Variants in ADAM32 observed in about 807,000 individuals in gnomAD.
ADAM32 encodes the protein disintegrin and metalloproteinase domain-containing protein 32.
Under a neutral mutation model 114.9 loss-of-function variants are expected in ADAM32, and 89 were observed. The observed-to-expected ratio is 0.77, with a 90% CI of 0.65 to 0.92. ADAM32 has a LOEUF of 0.92. Among genes scored for constraint, ADAM32 ranks in the 40% least tolerant of loss-of-function variants. ADAM32 has a pLI of 0.00. For synonymous variants in ADAM32, 285 were observed against 307.5 expected (o/e 0.93, Z 0.77); for missense variants, 870 against 932.8 (o/e 0.93, Z 0.88).
intron 10 of ADAM32, among the ~76,000 whole-genome samples, chr8:39,183,398 A>G (rs1806035057): frequency 6.6e-6 from 1 of 152,188 alleles, no homozygotes; most frequent in South Asian, 2.1e-4. Context: ...CACCCCTACC[A>G]TACCAGAAAC....
chr8:39,142,099 C>G, intron 3 of ADAM32, among the ~76,000 whole-genome samples: 1 of 151,828 alleles, frequency 6.6e-6, no homozygotes. Flanking sequence ...TTTTAAGTGG[C>G]ACGTGAGATG....
intron 10 of ADAM32, among the ~76,000 whole-genome samples, chr8:39,182,965 G>A (rs748257961): frequency 2.0e-4 from 31 of 152,136 alleles, no homozygotes; most frequent in Admixed American, 6.5e-4. Flanking sequence ...GTTGCTTCCC[G>A]TACTCTGAGG....
intron 17 of ADAM32, among the ~76,000 whole-genome samples, chr8:39,249,377 AT>A (rs1451555455): frequency 2.6e-5 from 4 of 152,136 alleles, no homozygotes; most frequent in Non-Finnish European, 5.9e-5. Flanking sequence ...CTTTTTATGC[AT>A]TGTTGAATCT....
At chr8:39,186,861 C>T in intron 10 of ADAM32, 48 bp from the exon 11 acceptor site, 1 of 1,440,654 alleles carries the variant, frequency 6.9e-7, no homozygotes, top group Admixed American at 2.3e-5. Context: ...TTTTTACCAC[C>T]CTTTAGAGAA....
chr8:39,284,444 T>C (rs1813654703), intron 24 of ADAM32, among the ~76,000 whole-genome samples: 2 of 151,706 alleles, frequency 1.3e-5, no homozygotes, highest in South Asian at 4.1e-4. Flanking sequence ...GGCTGCAAGG[T>C]ATGAAAAAAG....
chr8:39,206,550 A>G (rs1189540282), intron 11 of ADAM32, among the ~76,000 whole-genome samples: 3 of 152,168 alleles, frequency 2.0e-5, no homozygotes, highest in Admixed American at 1.3e-4. Context: ...TGACCTTGAC[A>G]TTGGAGGGTT....
At chr8:39,141,942 T>G (rs1290099178) in intron 3 of ADAM32, among the ~76,000 whole-genome samples, 1 of 152,242 alleles carries the variant, frequency 6.6e-6, no homozygotes, top group Non-Finnish European at 1.5e-5. Context: ...TACCATTATG[T>G]AGTGGCCTTC....
rs1435334878 is a variant in ADAM32 at position 39,254,512 on chromosome 8, T to C, written c.2001T>C (p.Asp667=). 6.4e-7 allele frequency: 1 copy of C among 1,567,318 alleles called. No homozygotes were observed. The change falls in exon 18 of 25, where the codon GAT becomes GAC. Residue 667 remains aspartate (D), a synonymous_variant. Transcript: ENST00000379907. ...SKGFSIFPEE[D]MGSIMERASG... is the part of the protein sequence containing the mutation. ...GATTTTCCATATTTCCTGAGGAAGA[T>C]ATGGGCAAGTATTTGTCTCTTTAAA...
chr8:39,182,841 G>T (rs1324767851), intron 10 of ADAM32, among the ~76,000 whole-genome samples: 2 of 152,184 alleles, frequency 1.3e-5, no homozygotes, highest in African/African-American at 4.8e-5. Context: ...AGCTTTTGCA[G>T]GTGTTCTTTT....
At chr8:39,190,061 G>A (rs765087136) in intron 11 of ADAM32, among the ~76,000 whole-genome samples, 9 of 152,104 alleles carry the variant, frequency 5.9e-5, no homozygotes, top group Admixed American at 2.6e-4. Context: ...CTCGTGATCC[G>A]CCTGCCTTGG....
At chr8:39,173,750 T>G (rs986955771) in intron 10 of ADAM32, among the ~76,000 whole-genome samples, 1 of 152,212 alleles carries the variant, frequency 6.6e-6, no homozygotes, top group African/African-American at 2.4e-5. Context: ...GCCTCTGTCC[T>G]GAATGACGTT....
intron 22 of ADAM32, among the ~76,000 whole-genome samples, chr8:39,280,169 G>A (rs1026023559): frequency 1.3e-5 from 2 of 152,156 alleles, no homozygotes; most frequent in Non-Finnish European, 2.9e-5. Flanking sequence ...TTTCTAACAC[G>A]TAAAGATCCA....
intron 19 of ADAM32, among the ~76,000 whole-genome samples, chr8:39,265,646 T>C (rs958126403): frequency 6.6e-6 from 1 of 152,162 alleles, no homozygotes; most frequent in African/African-American, 2.4e-5. Flanking sequence ...ATTAAGTAGA[T>C]TTGATTATAT....
At chr8:39,251,709 C>A (rs1180836125) in intron 17 of ADAM32, among the ~76,000 whole-genome samples, 1 of 151,716 alleles carries the variant, frequency 6.6e-6, no homozygotes, top group African/African-American at 2.4e-5. Flanking sequence ...TGTGTAGAAG[C>A]TTTTTAGCTT....
chr8:39,257,595 C>T (rs921176692), intron 19 of ADAM32, among the ~76,000 whole-genome samples: 4 of 79,902 alleles, frequency 5.0e-5, no homozygotes, highest in African/African-American at 1.2e-4. Flanking sequence ...CAAATGTTTA[C>T]GTAATATCTG....
At chr8:39,208,181 C>T (rs996725555) in intron 11 of ADAM32, among the ~76,000 whole-genome samples, 1 of 151,980 alleles carries the variant, frequency 6.6e-6, no homozygotes, top group African/African-American at 2.4e-5. Flanking sequence ...TTTACATTTT[C>T]ACTAAGAATG....
intron 19 of ADAM32, among the ~76,000 whole-genome samples, chr8:39,266,806 T>A (rs889030600): frequency 1.3e-5 from 2 of 152,212 alleles, no homozygotes; most frequent in African/African-American, 4.8e-5. Flanking sequence ...TTGAAATTGC[T>A]GTCTTTTGTA....
At chr8:39,177,787 A>C (rs1052965511) in intron 10 of ADAM32, among the ~76,000 whole-genome samples, 1 of 152,232 alleles carries the variant, frequency 6.6e-6, no homozygotes, top group Non-Finnish European at 1.5e-5. Context: ...TTGGCTAAAT[A>C]TGAAATTCTG....
chr8:39,252,212 G>A (rs977815499), intron 17 of ADAM32, among the ~76,000 whole-genome samples: 1 of 151,580 alleles, frequency 6.6e-6, no homozygotes, highest in African/African-American at 2.4e-5. Context: ...CACGAGACAA[G>A]TCTTAACAAA....
Sources: gnomAD v4.1 joint callset for allele counts (sites outside exome capture counted in the v4.1 genomes callset) on GRCh38, gnomAD v4.1.1 for gene constraint, MANE v1.5 for transcripts, NCBI Gene and HGNC (gene_info 2026-07-23, HGNC 2026-07-21) for gene names.